ZDHHC11: variants seen among roughly 807,000 people sequenced by gnomAD.
ZDHHC11 encodes the protein zDHHC palmitoyltransferase 11.
Under a neutral mutation model 51.3 loss-of-function variants are expected in ZDHHC11, and 44 were observed. The observed-to-expected ratio is 0.86, with a 90% CI of 0.67 to 1.10. The LOEUF (loss-of-function observed/expected upper bound fraction) is 1.10. Ranked by LOEUF, ZDHHC11 falls within the 50% of genes least tolerant of loss-of-function variation. ZDHHC11 has a pLI of 0.00. For missense variants in ZDHHC11, 400 were observed against 537.7 expected, an observed-to-expected ratio of 0.74 and a Z score of 2.53; for synonymous variants, 163 against 222.0, an observed-to-expected ratio of 0.73 and a Z score of 2.36.
chr5:800,346 G>A (rs534007710), intron 12 of ZDHHC11, among the ~76,000 whole-genome samples: 3 of 150,686 alleles, frequency 2.0e-5, no homozygotes, highest in African/African-American at 7.3e-5. Flanking sequence ...GAGAAGGCAG[G>A]TACTGAACGG....
At chr5:851,063 G>A (rs1747154894), upstream of ZDHHC11, 2 of 183,144 alleles carry the variant, frequency 1.1e-5, no homozygotes, top group Admixed American at 1.1e-4. Flanking sequence ...CTGAGCAGAG[G>A]GCTGCGCCTG....
At chr5:845,906 T>TG (rs1358468886) in intron 3 of ZDHHC11, among the ~76,000 whole-genome samples, 2 of 149,760 alleles carry the variant, frequency 1.3e-5, no homozygotes, top group East Asian at 3.9e-4. Flanking sequence ...CCAGCACCCC[T>TG]CCTGAGGAAG....
rs370393986 is a variant in ZDHHC11, at chr5:814,753, G to C, written c.1181+8C>G. 1 of 1,558,284 alleles carries C rather than the reference G, an allele frequency of 6.4e-7. No homozygotes were observed. Among genetic ancestry groups the C allele is most frequent in the Non-Finnish European group, 8.7e-7 (1 of 1,153,424 alleles). On this transcript the variant is annotated splice_region_variant and intron_variant, in intron 11 of 12. Transcript: ENST00000283441. ...GACAAAACGTTCCCGTTAAACTTAC[G>C]AACTTACCCAAGTGTAGATATACTC...
chr5:809,014 C>CACACACACACACACACACAA (rs1554050773), intron 11 of ZDHHC11, among the ~76,000 whole-genome samples: 3 of 139,122 alleles, frequency 2.2e-5, no homozygotes, highest in South Asian at 2.3e-4. Flanking sequence ...CACACACACA[C>CACACACACACACACACACAA]GCACACTATT....
intron 10 of ZDHHC11, among the ~76,000 whole-genome samples, chr5:818,536 G>A (rs748544528): frequency 6.6e-6 from 1 of 151,620 alleles, no homozygotes; most frequent in Non-Finnish European, 1.5e-5. Flanking sequence ...ACCTCCAGAA[G>A]CTGGCCGCCT....
intron 8 of ZDHHC11, chr5:824,108 AAGG>A (rs1398570187): frequency 8.8e-6 from 4 of 454,618 alleles, no homozygotes; most frequent in Admixed American, 7.1e-5. Context: ...CCCCACAGGG[AAGG>A]AGAACACACC....
At chr5:851,736 G>A (rs537769262), upstream of ZDHHC11, among the ~76,000 whole-genome samples, 54 of 152,250 alleles carry the variant, frequency 3.5e-4, no homozygotes, top group South Asian at 4.6e-3. Context: ...TGGGAGACCC[G>A]AGAGACTCAC....
At chr5:813,805 G>T (rs1740406547) in intron 11 of ZDHHC11, among the ~76,000 whole-genome samples, 1 of 147,772 alleles carries the variant, frequency 6.8e-6, no homozygotes, top group African/African-American at 2.6e-5. Context: ...TGGCAGGCAG[G>T]CTGGGGACTG....
intron 11 of ZDHHC11, among the ~76,000 whole-genome samples, chr5:809,250 T>C (rs1443286517): frequency 1.4e-5 from 2 of 141,496 alleles, no homozygotes; most frequent in Non-Finnish European, 3.1e-5. Flanking sequence ...TCTGCACCCC[T>C]CGCTGAGATG....
chr5:798,846 GC>G (rs1737993310), intron 12 of ZDHHC11, among the ~76,000 whole-genome samples: 1 of 152,112 alleles, frequency 6.6e-6, no homozygotes, highest in Non-Finnish European at 1.5e-5. Flanking sequence ...AAGACCAGAT[GC>G]TTTTGAAATG....
chr5:829,331 C>A (rs926729842), intron 7 of ZDHHC11, among the ~76,000 whole-genome samples: 23 of 151,742 alleles, frequency 1.5e-4, no homozygotes, highest in Admixed American at 5.9e-4. Context: ...ACAACTGATA[C>A]CACAGGAATA....
chr5:846,789 A>C (rs202005622), intron 3 of ZDHHC11, among the ~76,000 whole-genome samples: 1,400 of 123,586 alleles, frequency 0.011, 38 homozygotes, highest in African/African-American at 0.049. Flanking sequence ...CTCGTCTATG[A>C]GCCTCCACCG....
chr5:812,381 C>T (rs948937322), intron 11 of ZDHHC11, among the ~76,000 whole-genome samples: 3 of 152,118 alleles, frequency 2.0e-5, no homozygotes, highest in East Asian at 1.9e-4. Flanking sequence ...CACTTAGTAT[C>T]GACAATACAA....
chr5:803,228 C>A lies in ZDHHC11; in HGVS notation c.1182-2064G>T, dbSNP rs371875913. 2.6e-5 allele frequency among the ~76,000 whole-genome samples: 4 copies of A among 151,178 alleles called. No individual in the cohort carries two copies. In the East Asian group the frequency reaches 7.7e-4, roughly 29 times the overall value. On this transcript the variant is annotated intron_variant, in intron 11 of 12. Transcript: ENST00000283441. ...GTACATTTTGGTTAGTCTGGTGGTG[C>A]CCTGAGGGATCAATACAGAGGCTTG...
rs1383731005 is a variant in ZDHHC11, at chr5:798,700, T to C, written c.*8-2120A>G. ...ACTTTGGAGGGGTAAGGTGTAATAC[T>C]GAAGAAGTGTTTTGTGTGGTCTACA... On this transcript the variant is annotated intron_variant, in intron 12 of 12. Transcript: ENST00000283441. Among the ~76,000 whole-genome samples, 3 of 147,548 alleles carry C rather than the reference T, an allele frequency of 2.0e-5. No individual in the cohort carries two copies. In the South Asian group the frequency reaches 6.9e-4, roughly 34 times the overall value.
At chr5:844,435 G>A (rs1479007948) in intron 3 of ZDHHC11, among the ~76,000 whole-genome samples, 8 of 152,360 alleles carry the variant, frequency 5.3e-5, no homozygotes, top group East Asian at 1.9e-4. Flanking sequence ...AGGGTCACAC[G>A]GCGTCTCCAG....
At chr5:860,014 C>T (rs1461179924), upstream of ZDHHC11, among the ~76,000 whole-genome samples, 1 of 152,224 alleles carries the variant, frequency 6.6e-6, no homozygotes, top group Non-Finnish European at 1.5e-5. This position sits in a 1 kb window ranked among gnomAD's most constrained non-coding sequence, Gnocchi z 4.2. Context: ...GTCAGGGGCC[C>T]TCTTGCCGGC....
In ZDHHC11 at chr5:846,700, T is replaced by G. The variant is rs1452357938; in HGVS notation, c.503+814A>C. On this transcript the variant is annotated intron_variant, in intron 3 of 12. Coordinates refer to ENST00000283441, the MANE Select transcript of ZDHHC11 (RefSeq NM_024786.3). ...CTCCACCATGCTCAGGGGAAACACC[T>G]CTCGTCCTTGAGCCTCCACCATGCT... Among the ~76,000 whole-genome samples the G allele has an allele frequency of 2.5e-4, 36 of 141,824 alleles. 1 individual carries two copies. The highest frequency in any genetic ancestry group is 8.9e-4 in the African/African-American group (33 of 37,078). 93.0% of individuals were successfully genotyped at this position (141,824 alleles called of 152,430 possible).
chr5:813,831 G>A, intron 11 of ZDHHC11, among the ~76,000 whole-genome samples: 1 of 146,956 alleles, frequency 6.8e-6, no homozygotes, highest in Middle Eastern at 3.2e-3. Context: ...TGAGGTGAAG[G>A]CAGGAAGGAG....
Sources: gnomAD v4.1 joint callset for allele counts (sites outside exome capture counted in the v4.1 genomes callset) on GRCh38, gnomAD v4.1.1 for gene constraint, Gnocchi (gnomAD v3.1) non-coding constraint, MANE v1.5 for transcripts, NCBI Gene and HGNC (gene_info 2026-07-23, HGNC 2026-07-21) for gene names.